The following PPM1L variants were observed in gnomAD, a reference collection of about 807,000 sequenced individuals.
PPM1L encodes the protein protein phosphatase 1L.
Under a neutral mutation model 31.4 loss-of-function variants are expected in PPM1L, and 13 were observed. That is an observed-to-expected ratio of 0.41 (90% CI 0.27 to 0.66). PPM1L has a LOEUF of 0.66. Ranked by LOEUF, PPM1L falls within the 30% of genes least tolerant of loss-of-function variation. PPM1L has a pLI of 0.29. For synonymous variants in PPM1L, 184 were observed against 175.4 expected (o/e 1.05, Z -0.39); for missense variants, 326 against 453.7 (o/e 0.72, Z 2.56).
rs75599237 is a variant in PPM1L at position 160,973,764 on chromosome 3, G to GTTTTT, written c.574+11879_574+11883dup. Among the ~76,000 whole-genome samples, 6 of 88,472 alleles carry GTTTTT rather than the reference G, an allele frequency of 6.8e-5. 1 individual carries two copies. Among genetic ancestry groups the GTTTTT allele is most frequent in the Non-Finnish European group, 1.0e-4 (4 of 39,152 alleles). The allele number at this position is 88,472 out of a possible 152,430, so 58.0% of individuals were successfully genotyped here. A position where few individuals can be genotyped will look rare whatever the true frequency, so the allele number is the denominator to read the frequency against. Reference sequence around the variant, plus strand: ...GGTAAATTGCCTTCTGAAAGGCCCTGTTTTTTTTTTTTTTTTTTTTTTTTT... The same window carrying GTTTTT: ...GGTAAATTGCCTTCTGAAAGGCCCTGTTTTTTTTTTTTTTTTTTTTTTTTTTTTTT... On this transcript the variant is annotated intron_variant, in intron 2 of 3. Coordinates refer to ENST00000498165, the MANE Select transcript of PPM1L (RefSeq NM_139245.4).
intron 1 of PPM1L, among the ~76,000 whole-genome samples, chr3:160,782,889 T>G (rs1037218276): frequency 3.9e-5 from 6 of 152,230 alleles, no homozygotes; most frequent in Admixed American, 6.5e-5. Context: ...CAGAAATGCT[T>G]GTTTATTGAA....
At chr3:161,049,905 C>G (rs755191004) in intron 2 of PPM1L, among the ~76,000 whole-genome samples, 7 of 152,208 alleles carry the variant, frequency 4.6e-5, no homozygotes, top group Non-Finnish European at 8.8e-5. Flanking sequence ...TGTTCTAGAG[C>G]TGGCTCTCCC....
intron 1 of PPM1L, among the ~76,000 whole-genome samples, chr3:160,892,828 A>G (rs1444943515): frequency 6.6e-6 from 1 of 152,198 alleles, no homozygotes; most frequent in Non-Finnish European, 1.5e-5. Context: ...ACTACTTGTT[A>G]TCATCTCTAG....
At chr3:160,987,106 A>C (rs1716987267) in intron 2 of PPM1L, among the ~76,000 whole-genome samples, 3 of 152,336 alleles carry the variant, frequency 2.0e-5, no homozygotes, top group East Asian at 3.9e-4. Context: ...GTGATCTGGC[A>C]AAGGCATGGT....
At chr3:160,991,919 A>G (rs892679119) in intron 2 of PPM1L, among the ~76,000 whole-genome samples, 5 of 152,232 alleles carry the variant, frequency 3.3e-5, no homozygotes, top group Non-Finnish European at 7.3e-5. Flanking sequence ...ACTAATAATT[A>G]TTGAGCACTT....
chr3:161,060,272 CA>C (rs1453855670), intron 2 of PPM1L, among the ~76,000 whole-genome samples: 1 of 152,006 alleles, frequency 6.6e-6, no homozygotes, highest in African/African-American at 2.4e-5. Context: ...ACAAGCCAGG[CA>C]GAGAGAACAG....
At chr3:160,805,834 A>G (rs1419113302) in intron 1 of PPM1L, among the ~76,000 whole-genome samples, 1 of 152,234 alleles carries the variant, frequency 6.6e-6, no homozygotes, top group Non-Finnish European at 1.5e-5. Context: ...CATAGGCAGA[A>G]TCTGGCCTGC....
chr3:160,999,300 C>G (rs1408252211), intron 2 of PPM1L, among the ~76,000 whole-genome samples: 1 of 152,170 alleles, frequency 6.6e-6, no homozygotes, highest in Non-Finnish European at 1.5e-5. Flanking sequence ...CTACTGCAGA[C>G]AGTCTGATCC....
At chr3:160,959,859 G>C (rs1403326695) in intron 1 of PPM1L, among the ~76,000 whole-genome samples, 1 of 151,722 alleles carries the variant, frequency 6.6e-6, no homozygotes, top group Non-Finnish European at 1.5e-5. Flanking sequence ...AAAAAATAAA[G>C]TGTCTTCCAC....
chr3:160,981,805 C>G (rs556134856), intron 2 of PPM1L, among the ~76,000 whole-genome samples: 34 of 151,802 alleles, frequency 2.2e-4, no homozygotes, highest in African/African-American at 8.2e-4. Flanking sequence ...CTCTGTCGCT[C>G]AGGCTGGAGT....
chr3:160,959,341 T>C (rs896731642), intron 1 of PPM1L, among the ~76,000 whole-genome samples: 6 of 152,094 alleles, frequency 3.9e-5, no homozygotes, highest in Non-Finnish European at 8.8e-5. Context: ...AAATATTGGG[T>C]ACAGTGTACA....
intron 1 of PPM1L, among the ~76,000 whole-genome samples, chr3:160,945,339 T>C (rs557095171): frequency 7.9e-5 from 12 of 152,074 alleles, no homozygotes; most frequent in Admixed American, 7.2e-4. Context: ...GGCACAGCTA[T>C]GTTCCAGCAA....
intron 2 of PPM1L, among the ~76,000 whole-genome samples, chr3:161,010,940 CA>C (rs1391963763): frequency 6.6e-6 from 1 of 152,178 alleles, no homozygotes; most frequent in Non-Finnish European, 1.5e-5. Context: ...GAGTAGATTG[CA>C]AAAATTTTCT....
intron 1 of PPM1L, among the ~76,000 whole-genome samples, chr3:160,923,974 A>G (rs1297317813): frequency 6.6e-6 from 1 of 152,224 alleles, no homozygotes; most frequent in African/African-American, 2.4e-5. Context: ...AAGGTAAACC[A>G]TCATCTGTGT....
At chr3:160,837,342 T>C (rs1713750794) in intron 1 of PPM1L, among the ~76,000 whole-genome samples, 1 of 152,204 alleles carries the variant, frequency 6.6e-6, no homozygotes, top group South Asian at 2.1e-4. Context: ...AATGATACTG[T>C]TATAAGCTTA....
chr3:160,849,138 T>C (rs1422986903), intron 1 of PPM1L, among the ~76,000 whole-genome samples: 2 of 152,190 alleles, frequency 1.3e-5, no homozygotes, highest in Non-Finnish European at 2.9e-5. Context: ...ATTGGTGTTT[T>C]CTGGTCCTGG....
intron 1 of PPM1L, among the ~76,000 whole-genome samples, chr3:160,910,271 C>CTTCCCCT (rs1713921742): frequency 7.7e-6 from 1 of 129,968 alleles, no homozygotes; most frequent in Non-Finnish European, 1.6e-5. Context: ...TCCCCTTCCC[C>CTTCCCCT]TTCCCCTTCC....
intron 1 of PPM1L, among the ~76,000 whole-genome samples, chr3:160,773,489 G>A (rs1193319231): frequency 2.6e-5 from 4 of 152,158 alleles, no homozygotes; most frequent in African/African-American, 4.8e-5. Flanking sequence ...GAGGTTGTGC[G>A]GGGTAACCAG....
intron 2 of PPM1L, among the ~76,000 whole-genome samples, chr3:160,974,219 G>A (rs1357244330): frequency 2.0e-5 from 3 of 151,502 alleles, no homozygotes; most frequent in African/African-American, 7.3e-5. Flanking sequence ...TTTTATGGCT[G>A]CATAGTATTC....
Sources: allele counts gnomAD v4.1 joint callset (sites outside exome capture counted in the v4.1 genomes callset), GRCh38; gene constraint gnomAD v4.1.1; transcripts MANE v1.5; gene names NCBI Gene and HGNC (gene_info 2026-07-23, HGNC 2026-07-21).